The following KIAA1671 variants were observed in gnomAD, a reference collection of about 807,000 sequenced individuals.
KIAA1671 encodes the protein KIAA1671.
In KIAA1671, 52 loss-of-function variants were observed where a neutral mutation model predicts 131.2. The ratio of observed to expected loss-of-function variants is 0.40; its 90% CI spans 0.32 to 0.50. KIAA1671 has a LOEUF of 0.50. Ranked by LOEUF, KIAA1671 falls within the 20% of genes least tolerant of loss-of-function variation. The probability of loss-of-function intolerance (pLI) is 0.73; values close to 1 mark genes in which losing one functional copy is unlikely to be tolerated. For missense variants in KIAA1671, 2,360 were observed against 2,364.2 expected (o/e 1.00, Z 0.04); for synonymous variants, 1,003 against 961.6 (o/e 1.04, Z -0.80).
Position 25,028,753 on chromosome 22 carries a change from C to A in KIAA1671, c.754C>A (p.Gln252Lys). The A allele has an allele frequency of 1.3e-6, 2 of 1,551,308 alleles. No homozygotes were observed. The highest frequency in any genetic ancestry group is 3.9e-5 in the Admixed American group (2 of 51,012). Residue 252 changes from glutamine to lysine, a missense_variant, in exon 3 of 13, where the codon CAG (glutamine) becomes AAG (lysine). Transcript: ENST00000358431. ...PVSAIFTESI[Q>K]PQKPGPGAAA... ...GTCTGCCATTTTCACGGAGTCCATT[C>A]AGCCTCAGAAGCCAGGCCCCGGCGC...
chr22:25,041,506 G>A lies in KIAA1671; in HGVS notation c.4376G>A (p.Gly1459Glu), dbSNP rs940686589. The A allele has an allele frequency of 6.5e-6, 10 of 1,545,430 alleles. No homozygotes were observed. The South Asian group carries it at 9.6e-5, about 15-fold the overall frequency. Reference protein sequence around the residue: ...AKMGPCWWESGTGDSHKVLPR... With the variant: ...AKMGPCWWESETGDSHKVLPR... ...ATGGGACCCTGTTGGTGGGAGTCAG[G>A]GACTGGAGACAGTCACAAGGTAAGT... is the stretch of plus-strand genomic sequence containing the variant. Residue 1459 changes from glycine to glutamate, a missense_variant, in exon 5 of 13, where the codon GGG becomes GAG. By Grantham distance (98) the Gly-to-Glu change is moderately conservative. Transcript: ENST00000358431.
chr22:25,074,210 A>G (rs998511180), intron 6 of KIAA1671, among the ~76,000 whole-genome samples: 2 of 151,502 alleles, frequency 1.3e-5, no homozygotes, highest in Non-Finnish European at 2.9e-5. Flanking sequence ...ATTATTGAAT[A>G]TATATACATA....
At position 25,041,393 on chromosome 22, in the gene KIAA1671, C is replaced by T; in HGVS notation, c.4263C>T (p.Gly1421=). The T allele has an allele frequency of 6.4e-7, 1 of 1,551,764 alleles. No individual in the cohort carries two copies. Among genetic ancestry groups the T allele is most frequent in the South Asian group, 1.2e-5 (1 of 84,062 alleles). Residue 1421 remains glycine (G), a synonymous_variant, in exon 5 of 13, where the codon GGC becomes GGT. Transcript: ENST00000358431. ...GGCCCCCTGCCAACATCCGAGAGGG[C>T]CTGTCCATCATGCATGAAGCCAGAG... ...EKGPPANIRE[G]LSIMHEARER...
intron 4 of KIAA1671, among the ~76,000 whole-genome samples, chr22:25,037,380 A>G (rs962109741): frequency 1.1e-3 from 152 of 136,720 alleles, no homozygotes; most frequent in African/African-American, 5.3e-3. Context: ...ATATGTATAT[A>G]TGTGTATATA....
intron 6 of KIAA1671, among the ~76,000 whole-genome samples, chr22:25,151,466 C>CT (rs1933042191): frequency 7.6e-6 from 1 of 131,498 alleles, no homozygotes; most frequent in African/African-American, 2.9e-5. Context: ...GAATCTCACT[C>CT]TGTCACCCAG....
chr22:25,049,294 T>C lies in KIAA1671; in HGVS notation c.4460T>C (p.Val1487Ala), dbSNP rs914549157. Residue 1487 changes from valine to alanine, a missense_variant, in exon 6 of 13, where the codon GTG (valine) becomes GCG (alanine). Coordinates refer to ENST00000358431, the MANE Select transcript of KIAA1671 (RefSeq NM_001145206.2). ...GAGAAGGAGCGACCGCTCCAGCAGG[T>C]GTCCCCTGTGGCCTCGGTTCCCTGG... ...PQEKERPLQQVSPVASVPWRS... is the reference protein window; with the variant it reads ...PQEKERPLQQASPVASVPWRS... 1 of 1,551,706 alleles carries C rather than the reference T, an allele frequency of 6.4e-7. No individual in the cohort carries two copies. The highest frequency in any genetic ancestry group is 8.7e-7 in the Non-Finnish European group (1 of 1,146,990).
chr22:24,964,003 C>T (rs1365080758), intron 1 of KIAA1671, among the ~76,000 whole-genome samples: 1 of 151,522 alleles, frequency 6.6e-6, no homozygotes, highest in African/African-American at 2.4e-5. Flanking sequence ...ATGCAGACCC[C>T]ACTTTTGAGA....
At chr22:25,124,914 G>A (rs1302285308) in intron 6 of KIAA1671, among the ~76,000 whole-genome samples, 2 of 152,058 alleles carry the variant, frequency 1.3e-5, no homozygotes, top group East Asian at 3.9e-4. Context: ...GTGTCACCAT[G>A]TCTGGCTAAT....
chr22:25,130,283 A>T (rs530233389), intron 6 of KIAA1671, among the ~76,000 whole-genome samples: 1 of 152,316 alleles, frequency 6.6e-6, no homozygotes, highest in South Asian at 2.1e-4. Flanking sequence ...CCCTGTTAAG[A>T]TCTAGGACAT....
chr22:25,141,412 T>G (rs1259221622), intron 6 of KIAA1671, among the ~76,000 whole-genome samples: 3 of 152,076 alleles, frequency 2.0e-5, no homozygotes, highest in Non-Finnish European at 2.9e-5. Flanking sequence ...TTTTGTATTT[T>G]TAGTAGAGAC....
At chr22:25,038,471 G>A (rs1926733896) in intron 4 of KIAA1671, among the ~76,000 whole-genome samples, 1 of 152,194 alleles carries the variant, frequency 6.6e-6, no homozygotes, top group Non-Finnish European at 1.5e-5. Context: ...TTGTGCATGT[G>A]GACAAAGTCC....
chr22:25,068,171 CTG>C (rs1928587004), intron 6 of KIAA1671, among the ~76,000 whole-genome samples: 1 of 149,088 alleles, frequency 6.7e-6, no homozygotes, highest in Non-Finnish European at 1.5e-5. Context: ...GGCCTTCCGA[CTG>C]TGCCGTCAGG....
At chr22:25,117,070 C>G (rs1931702610) in intron 6 of KIAA1671, among the ~76,000 whole-genome samples, 1 of 152,122 alleles carries the variant, frequency 6.6e-6, no homozygotes, top group African/African-American at 2.4e-5. Context: ...CAGTAGCATC[C>G]CACAGTTGTG....
rs1396527091 is a variant in KIAA1671, at chr22:25,163,667, C to G, written c.4531-7153C>G. On this transcript the variant is annotated intron_variant, in intron 6 of 12. Transcript: ENST00000358431. Reference sequence around the variant, plus strand: ...ATGTTGGCTGGGATGGTCTCGATCTCTTGACCTTGTGATGCCCACCTCGGC... The same window carrying G: ...ATGTTGGCTGGGATGGTCTCGATCTGTTGACCTTGTGATGCCCACCTCGGC... Among the ~76,000 whole-genome samples the G allele has an allele frequency of 2.0e-5, 3 of 151,772 alleles. No homozygotes were observed. The East Asian group carries it at 5.8e-4, about 30-fold the overall frequency.
rs1019112570 is a variant in KIAA1671 at position 25,194,032 on chromosome 22, T to C, written c.*1631T>C. 6.6e-6 allele frequency: 1 copy of C among 152,252 alleles called. No individual in the cohort carries two copies. The allele number at this position is 152,252 out of a possible 1,614,324, so 9.4% of individuals were successfully genotyped here. ...ATGTTTTATAATAATTTTGATCTTA[T>C]GGCTTTCAACGTCAATAGGATCCCC... On this transcript the variant is annotated 3_prime_UTR_variant, in exon 13 of 13. Transcript: ENST00000358431.
Position 25,042,716 on chromosome 22 carries a change from G to A in KIAA1671, c.4395+1191G>A, listed in dbSNP as rs371902907. 2.3e-4 allele frequency among the ~76,000 whole-genome samples: 35 copies of A among 151,596 alleles called. No individual in the cohort carries two copies. In the South Asian group the frequency reaches 6.1e-3, roughly 26 times the overall value. ...TCTTGAACTCCTGACCTCGTGATCC[G>A]CCCACCTTGACCTCCCAAAGTGCTG... On this transcript the variant is annotated intron_variant, in intron 5 of 12. Coordinates refer to ENST00000358431, the MANE Select transcript of KIAA1671 (RefSeq NM_001145206.2).
intron 9 of KIAA1671, among the ~76,000 whole-genome samples, chr22:25,178,497 C>G (rs1240152964): frequency 6.6e-6 from 1 of 152,264 alleles, no homozygotes; most frequent in African/African-American, 2.4e-5. Context: ...AGGACATCTG[C>G]AAAGCCCTGG....
chr22:25,191,479 G>A (rs1027839381), intron 12 of KIAA1671, among the ~76,000 whole-genome samples: 1 of 152,040 alleles, frequency 6.6e-6, no homozygotes, highest in South Asian at 2.1e-4. Context: ...GTTTTTATAG[G>A]GGGAGTGTTT....
At chr22:25,072,437 C>G (rs147238980) in intron 6 of KIAA1671, among the ~76,000 whole-genome samples, 9 of 152,298 alleles carry the variant, frequency 5.9e-5, no homozygotes, top group African/African-American at 2.2e-4. Flanking sequence ...CTGTGGGTGA[C>G]CAGGTCCTGG....
Sources: gnomAD v4.1 joint callset for allele counts (sites outside exome capture counted in the v4.1 genomes callset) on GRCh38, gnomAD v4.1.1 for gene constraint, MANE v1.5 for transcripts, NCBI Gene and HGNC (gene_info 2026-07-23, HGNC 2026-07-21) for gene names.